NAA50: variants seen among roughly 807,000 people sequenced by gnomAD.
NAA50 encodes N-alpha-acetyltransferase 50.
Under a neutral mutation model 20.7 loss-of-function variants are expected in NAA50, and 7 were observed. That is an observed-to-expected ratio of 0.34 (90% confidence interval 0.19 to 0.63). NAA50 has a LOEUF of 0.63. Ranked by LOEUF, NAA50 falls within the 30% of genes least tolerant of loss-of-function variation. NAA50 has a pLI of 0.75. For synonymous variants in NAA50, 54 were observed against 70.6 expected, an observed-to-expected ratio of 0.77 and a Z score of 1.18; for missense variants, 111 against 199.1, an observed-to-expected ratio of 0.56 and a Z score of 2.66.
intron 1 of NAA50, among the ~76,000 whole-genome samples, chr3:113,726,252 A>T (rs1278668936): frequency 2.0e-5 from 3 of 152,088 alleles, no homozygotes; most frequent in Non-Finnish European, 2.9e-5. Context: ...TAGGAAGTTT[A>T]AAAAAGTAAA....
At chr3:113,736,179 C>G (rs1708339052) in intron 1 of NAA50, among the ~76,000 whole-genome samples, 1 of 152,202 alleles carries the variant, frequency 6.6e-6, no homozygotes, top group South Asian at 2.1e-4. Context: ...ATTAAATACA[C>G]TAAATTACTC....
At chr3:113,744,164 C>T (rs1219596092) in intron 1 of NAA50, among the ~76,000 whole-genome samples, 1 of 152,068 alleles carries the variant, frequency 6.6e-6, no homozygotes, top group Non-Finnish European at 1.5e-5. Flanking sequence ...CAACCATGTT[C>T]AAGAAGTGCA....
intron 1 of NAA50, among the ~76,000 whole-genome samples, chr3:113,744,963 C>CAA (rs1249377027): frequency 2.6e-5 from 4 of 152,148 alleles, no homozygotes; most frequent in African/African-American, 9.7e-5. Context: ...AACATAGTTA[C>CAA]GACTTCTTAA....
At chr3:113,737,599 A>G (rs1396080736) in intron 1 of NAA50, among the ~76,000 whole-genome samples, 2 of 152,264 alleles carry the variant, frequency 1.3e-5, no homozygotes, top group African/African-American at 4.8e-5. Context: ...GACTTAGGGC[A>G]GGATCTCAGA....
At chr3:113,735,411 G>A (rs1005422695) in intron 1 of NAA50, among the ~76,000 whole-genome samples, 7 of 152,068 alleles carry the variant, frequency 4.6e-5, no homozygotes, top group South Asian at 2.1e-4. Context: ...AATTTCCCAC[G>A]GCATGTGCGT....
chr3:113,729,241 T>C (rs1577069207), intron 1 of NAA50, among the ~76,000 whole-genome samples: 1 of 152,178 alleles, frequency 6.6e-6, no homozygotes, highest in Non-Finnish European at 1.5e-5. Flanking sequence ...TCGCCCACCC[T>C]GGCCTCCCAA....
intron 1 of NAA50, 60 bp from the exon 2 acceptor site, chr3:113,724,155 A>G: frequency 7.2e-7 from 1 of 1,384,396 alleles, no homozygotes; most frequent in Non-Finnish European, 9.5e-7. Context: ...TAATATGAAC[A>G]TATGAAAGGG....
At chr3:113,734,947 C>T (rs1447641999) in intron 1 of NAA50, among the ~76,000 whole-genome samples, 1 of 152,090 alleles carries the variant, frequency 6.6e-6, no homozygotes, top group Non-Finnish European at 1.5e-5. Flanking sequence ...TGAAGCAATG[C>T]TAATGTTAAA....
At chr3:113,743,528 A>G (rs1193485714) in intron 1 of NAA50, among the ~76,000 whole-genome samples, 3 of 152,246 alleles carry the variant, frequency 2.0e-5, no homozygotes. Flanking sequence ...TTGTAGGTTC[A>G]GTATCCGAAC....
At chr3:113,745,506 G>A (rs1708480438) in intron 1 of NAA50, among the ~76,000 whole-genome samples, 1 of 152,158 alleles carries the variant, frequency 6.6e-6, no homozygotes, top group Admixed American at 6.5e-5. Flanking sequence ...TCCCAAGCGT[G>A]AATTAAACTG....
chr3:113,733,740 C>A (rs1708301345), intron 1 of NAA50, among the ~76,000 whole-genome samples: 2 of 150,496 alleles, frequency 1.3e-5, no homozygotes, highest in Non-Finnish European at 2.9e-5. Context: ...GTAATCCCAG[C>A]TACTCAGGAG....
chr3:113,726,129 G>T (rs1379320731), intron 1 of NAA50, among the ~76,000 whole-genome samples: 2 of 151,986 alleles, frequency 1.3e-5, no homozygotes, highest in African/African-American at 4.8e-5. Context: ...TTCATGTCTT[G>T]TATGTCTTCC....
intron 1 of NAA50, among the ~76,000 whole-genome samples, 182 bp from the exon 2 acceptor site, chr3:113,724,277 A>T (rs1338741496): frequency 6.6e-6 from 1 of 152,204 alleles, no homozygotes; most frequent in African/African-American, 2.4e-5. Flanking sequence ...AATTCTACTC[A>T]TAGCTTTCAT....
At chr3:113,724,487 T>C (rs1320199362) in intron 1 of NAA50, 1 of 155,476 alleles carries the variant, frequency 6.4e-6, no homozygotes, top group Non-Finnish European at 1.4e-5. Context: ...ACAATGGAGG[T>C]ATGCAATACC....
At chr3:113,735,879 C>T (rs915713877) in intron 1 of NAA50, among the ~76,000 whole-genome samples, 6 of 152,204 alleles carry the variant, frequency 3.9e-5, no homozygotes, top group East Asian at 1.9e-4. Context: ...GACAGGGTTT[C>T]GCCATGTTGG....
At chr3:113,723,102 A>C (rs1311568709) in intron 3 of NAA50, 130 bp from the exon 4 acceptor site, 1 of 1,254,268 alleles carries the variant, frequency 8.0e-7, no homozygotes, top group Non-Finnish European at 1.1e-6. Context: ...AGATATCCTT[A>C]TTTTCCAAAG....
Position 113,746,118 on chromosome 3 carries a change from T to A in NAA50, c.-169A>T, listed in dbSNP as rs924736580. The A allele has an allele frequency of 3.8e-6, 3 of 795,308 alleles. No homozygotes were observed. Among genetic ancestry groups the A allele is most frequent in the Non-Finnish European group, 5.8e-6 (3 of 514,022 alleles). The allele number at this position is 795,308 out of a possible 1,614,324, so 49.3% of individuals were successfully genotyped here. A position where few individuals can be genotyped will look rare whatever the true frequency, so the allele number is the denominator to read the frequency against. ...AGGCCGCGAGAGTCGAGTGAGGGCT[T>A]GAGTCTGGTGGGGGCGGGAGTGTCT... On this transcript the variant is annotated 5_prime_UTR_variant, in exon 1 of 5. Transcript: ENST00000240922.
intron 1 of NAA50, among the ~76,000 whole-genome samples, chr3:113,725,541 G>A (rs1473166229): frequency 6.6e-6 from 1 of 152,064 alleles, no homozygotes; most frequent in Non-Finnish European, 1.5e-5. Context: ...CGGGGTGAGA[G>A]GATCCTTTGA....
chr3:113,731,932 A>G (rs1708279100), intron 1 of NAA50, among the ~76,000 whole-genome samples: 1 of 152,194 alleles, frequency 6.6e-6, no homozygotes, highest in Non-Finnish European at 1.5e-5. Context: ...ATATTGCATA[A>G]AAGTCTGCGT....
Sources: allele counts gnomAD v4.1 joint callset (sites outside exome capture counted in the v4.1 genomes callset), GRCh38; gene constraint gnomAD v4.1.1; transcripts MANE v1.5; gene names NCBI Gene and HGNC (gene_info 2026-07-23, HGNC 2026-07-21).